Variants in FIRRM observed in about 807,000 individuals in gnomAD.
FIRRM encodes the protein FIGNL1-interacting regulator of recombination and mitosis.
chr1:169,850,993 TTTTTTTTTTTTTTA>T, the FIRRM span: 1 of 54,182 alleles, frequency 1.8e-5, no homozygotes, highest in Non-Finnish European at 3.9e-5. Flanking sequence ...TTTTTTTTTT[TTTTTTTTTTTTTTA>T]TTTGGGCAGC....
the FIRRM span, among the ~76,000 whole-genome samples, chr1:169,800,715 C>CTTTTTTTTTTTTTTTTTTTTTTTTT: frequency 1.5e-5 from 2 of 136,924 alleles, no homozygotes; most frequent in Non-Finnish European, 1.6e-5. Context: ...TCCTTTCTCT[C>CTTTTTTTTTTTTTTTTTTTTTTTTT]TTTTTTTTTT....
the FIRRM span, chr1:169,852,700 A>G: frequency 7.4e-7 from 1 of 1,348,408 alleles, no homozygotes; most frequent in African/African-American, 1.5e-5. Flanking sequence ...GACTAGAATA[A>G]AATTTGCATG....
the FIRRM span, among the ~76,000 whole-genome samples, chr1:169,818,642 G>A: frequency 2.6e-5 from 4 of 152,110 alleles, no homozygotes; most frequent in Non-Finnish European, 5.9e-5. Flanking sequence ...ATATACAGAA[G>A]AAGAGATCCA....
At chr1:169,843,721 A>G in the FIRRM span, 1 of 1,612,856 alleles carries the variant, frequency 6.2e-7, no homozygotes, top group Non-Finnish European at 8.5e-7. Flanking sequence ...TTTTACTTCC[A>G]CTGTTGGGAT....
the FIRRM span, among the ~76,000 whole-genome samples, chr1:169,828,723 AT>A: frequency 6.6e-6 from 1 of 151,362 alleles, no homozygotes; most frequent in Non-Finnish European, 1.5e-5. Flanking sequence ...TAATTTTTAA[AT>A]TTTTTCTAGG....
chr1:169,804,363 C>A, the FIRRM span: 1 of 840,066 alleles, frequency 1.2e-6, no homozygotes, highest in Non-Finnish European at 1.6e-6. Context: ...TTAAATCTTA[C>A]CAAATAAATT....
the FIRRM span, chr1:169,800,948 T>C: frequency 1.3e-6 from 2 of 1,590,678 alleles, no homozygotes; most frequent in South Asian, 2.2e-5. Context: ...GGAACAGACT[T>C]TCTTTTCACA....
At chr1:169,802,161 C>G in the FIRRM span, among the ~76,000 whole-genome samples, 47 of 152,182 alleles carry the variant, frequency 3.1e-4, no homozygotes, top group Non-Finnish European at 1.5e-5. Flanking sequence ...GGAAGGTTAG[C>G]TTGAATTGGG....
chr1:169,842,488 T>G, the FIRRM span: 1 of 1,613,986 alleles, frequency 6.2e-7, no homozygotes, highest in Non-Finnish European at 8.5e-7. Flanking sequence ...GAAAACAAAC[T>G]GCAATTATCG....
the FIRRM span, among the ~76,000 whole-genome samples, chr1:169,807,339 A>T: frequency 1.1e-4 from 17 of 152,200 alleles, no homozygotes; most frequent in African/African-American, 3.9e-4. Context: ...TTACCCTAAG[A>T]TTAAGTTAGA....
the FIRRM span, among the ~76,000 whole-genome samples, chr1:169,803,503 T>TTG: frequency 3.9e-5 from 6 of 152,096 alleles, no homozygotes; most frequent in Non-Finnish European, 7.3e-5. Flanking sequence ...AAGTGGCTTT[T>TTG]TGGGGTTTTT....
At chr1:169,849,930 C>A in the FIRRM span, 2 of 465,204 alleles carry the variant, frequency 4.3e-6, no homozygotes, top group Admixed American at 3.7e-5. Flanking sequence ...TGCTATCAGT[C>A]ATAAGGGTTA....
At chr1:169,786,601 T>C in the FIRRM span, among the ~76,000 whole-genome samples, 1 of 152,190 alleles carries the variant, frequency 6.6e-6, no homozygotes, top group Non-Finnish European at 1.5e-5. Flanking sequence ...TGAATACTTT[T>C]TTCATGCAAT....
At chr1:169,847,894 T>C in the FIRRM span, 1 of 817,432 alleles carries the variant, frequency 1.2e-6, no homozygotes. Flanking sequence ...TTCTGAAATT[T>C]TGCAATTACT....
At chr1:169,819,578 G>C in the FIRRM span, among the ~76,000 whole-genome samples, 14 of 152,156 alleles carry the variant, frequency 9.2e-5, no homozygotes, top group African/African-American at 2.7e-4. Context: ...CACTAAAAAA[G>C]GATCTGTGGT....
At chr1:169,793,362 TC>T in the FIRRM span, 1 of 1,614,212 alleles carries the variant, frequency 6.2e-7, no homozygotes. Context: ...TTTTCTAACA[TC>T]TTCTTTAAAT....
the FIRRM span, among the ~76,000 whole-genome samples, chr1:169,819,094 C>T: frequency 7.9e-5 from 12 of 152,288 alleles, no homozygotes; most frequent in Non-Finnish European, 1.3e-4. Context: ...ACAGTTGGAA[C>T]GCAAAATAGA....
the FIRRM span, among the ~76,000 whole-genome samples, chr1:169,844,381 G>A: frequency 1.3e-3 from 202 of 152,318 alleles, no homozygotes; most frequent in African/African-American, 4.7e-3. Context: ...TTTGGAATGA[G>A]TCCATACTAG....
At chr1:169,846,136 A>T in the FIRRM span, among the ~76,000 whole-genome samples, 285 of 152,320 alleles carry the variant, frequency 1.9e-3, 1 homozygote, top group African/African-American at 6.3e-3. Context: ...GAGCAGGTGC[A>T]TTGTCAATGA....
Sources: allele counts gnomAD v4.1 joint callset (sites outside exome capture counted in the v4.1 genomes callset), GRCh38; gene constraint gnomAD v4.1.1; transcripts MANE v1.5; gene names NCBI Gene and HGNC (gene_info 2026-07-23, HGNC 2026-07-21).